Variants in CTPS2 observed in about 807,000 individuals in gnomAD.
The protein encoded by CTPS2 is CTP synthase 2.
In CTPS2, 19 loss-of-function variants were observed where a neutral mutation model predicts 46.8. The ratio of observed to expected loss-of-function variants is 0.41; its 90% CI spans 0.28 to 0.60. The LOEUF is 0.60. Ranked by LOEUF, CTPS2 falls within the 20% of genes least tolerant of loss-of-function variation. CTPS2 has a pLI of 0.35. For missense variants in CTPS2, 286 were observed against 447.6 expected, an observed-to-expected ratio of 0.64 and a Z score of 3.26; for synonymous variants, 151 against 165.2, an observed-to-expected ratio of 0.91 and a Z score of 0.66.
chrX:16,693,995 C>T (rs1313365245), intron 4 of CTPS2, among the ~76,000 whole-genome samples: 1 of 109,240 alleles, frequency 9.2e-6, no homozygotes, highest in Non-Finnish European at 1.9e-5. Context: ...GAAACCCTGT[C>T]TCTACTAAAA....
Position 16,588,089 on chromosome X carries a change from G to A in CTPS2, c.*1728C>T, listed in dbSNP as rs746871638. On this transcript the variant is annotated 3_prime_UTR_variant, in exon 19 of 19. Transcript: ENST00000359276. ...TACAACATGGGTAAACCTTGCAAAC[G>A]CCATGCTAAATGGAAGCCTGACTGA... is the stretch of plus-strand genomic sequence containing the variant. The A allele has an allele frequency of 1.2e-4, 13 of 112,008 alleles. No homozygotes were observed. The highest frequency in any genetic ancestry group is 1.5e-4 in the Non-Finnish European group (8 of 53,254). 9.2% of individuals were successfully genotyped at this position (112,008 alleles called of 1,213,427 possible).
chrX:16,604,092 G>C (rs906444884), intron 17 of CTPS2, among the ~76,000 whole-genome samples: 1 of 111,493 alleles, frequency 9.0e-6, no homozygotes, highest in African/African-American at 3.3e-5. Flanking sequence ...CAAATACAGT[G>C]AATCACTGAG....
chrX:16,645,284 T>C (rs113292099), intron 13 of CTPS2, among the ~76,000 whole-genome samples: 1,715 of 110,959 alleles, frequency 0.015, 30 homozygotes, highest in African/African-American at 0.053. Flanking sequence ...TGAGCCACTG[T>C]ACCCGGCCTG....
chrX:16,629,532 A>AT (rs111513935), intron 14 of CTPS2, among the ~76,000 whole-genome samples: 1,393 of 102,299 alleles, frequency 0.014, 20 homozygotes, highest in African/African-American at 0.045. Context: ...TCAGTCGAGG[A>AT]TTTTTTTTTT....
chrX:16,703,862 A>G (rs1049665846), intron 1 of CTPS2, among the ~76,000 whole-genome samples: 2 of 111,154 alleles, frequency 1.8e-5, no homozygotes, highest in Non-Finnish European at 3.8e-5. Flanking sequence ...ATTCACAGGC[A>G]TGCTAAAATG....
chrX:16,655,456 G>C (rs1932794962), intron 13 of CTPS2, among the ~76,000 whole-genome samples: 1 of 111,940 alleles, frequency 8.9e-6, no homozygotes, highest in Non-Finnish European at 1.9e-5. Flanking sequence ...CAACAGTGTG[G>C]AATATGGAGG....
In CTPS2 at chrX:16,698,991, G is replaced by A. The variant is rs139580060; in HGVS notation, c.269C>T (p.Thr90Met). 9.0e-5 allele frequency: 108 copies of A among 1,196,181 alleles called. No homozygotes were observed. The highest frequency in any genetic ancestry group is 8.4e-4 in the South Asian group (45 of 53,768). The change falls in exon 3 of 19, where the codon ACG becomes ATG. Residue 90 changes from threonine (T) to methionine (M), a missense_variant. By Grantham distance (81) the Thr-to-Met change is moderately conservative (BLOSUM62 -1). Transcript: ENST00000359276. ...INLYKDNNIT[T>M]GKIYQHVINK... is the part of the protein sequence containing the mutation. ...GATCACATGCTGATATATCTTCCCC[G>A]TGGTGATATTGTTGTCTTTATAAAG...
intron 6 of CTPS2, 43 bp from the exon 7 acceptor site, chrX:16,691,663 A>G: frequency 9.5e-7 from 1 of 1,049,154 alleles, no homozygotes; most frequent in Non-Finnish European, 1.3e-6. Context: ...ATTCACTTTC[A>G]GCAGGATGCC....
chrX:16,647,629 C>T (rs2147256723), intron 13 of CTPS2, among the ~76,000 whole-genome samples: 1 of 110,746 alleles, frequency 9.0e-6, no homozygotes, highest in African/African-American at 3.3e-5. Flanking sequence ...GCCTAGAAGA[C>T]TATTAACCAA....
Position 16,667,644 on chromosome X carries a change from A to G in CTPS2, c.1252+18T>C. On this transcript the variant is annotated intron_variant, in intron 12 of 18. Transcript: ENST00000359276. ...AAAATTTTTTAAATAAATGGTCATT[A>G]GCAAACCTCGAACTTACCTTTCAAG... The G allele has an allele frequency of 8.3e-7, 1 of 1,210,482 alleles. No homozygotes were observed. Among genetic ancestry groups the G allele is most frequent in the Non-Finnish European group, 1.1e-6 (1 of 894,235 alleles).
chrX:16,638,165 G>C (rs1384251244), intron 14 of CTPS2, among the ~76,000 whole-genome samples: 1 of 107,618 alleles, frequency 9.3e-6, no homozygotes, highest in African/African-American at 3.4e-5. Flanking sequence ...TGAGGCAGGA[G>C]AATGACGTCA....
At chrX:16,602,714 T>C (rs1201663369) in intron 17 of CTPS2, among the ~76,000 whole-genome samples, 1 of 112,396 alleles carries the variant, frequency 8.9e-6, no homozygotes, top group Non-Finnish European at 1.9e-5. Flanking sequence ...GAATATTCTG[T>C]TTCTTACAAA....
intron 7 of CTPS2, 70 bp downstream of exon 7, chrX:16,691,470 G>T: frequency 1.2e-6 from 1 of 863,457 alleles, no homozygotes. Context: ...TATGATCATT[G>T]AAGAGGTACA....
intron 10 of CTPS2, among the ~76,000 whole-genome samples, chrX:16,677,670 T>C (rs1922391407): frequency 9.0e-6 from 1 of 111,208 alleles, no homozygotes; most frequent in African/African-American, 3.3e-5. Flanking sequence ...AAGATACAGG[T>C]CATAAAGACT....
At chrX:16,680,619 T>G (rs1019080804) in intron 9 of CTPS2, among the ~76,000 whole-genome samples, 6 of 110,445 alleles carry the variant, frequency 5.4e-5, no homozygotes, top group African/African-American at 1.6e-4. Flanking sequence ...AACTTTAAGA[T>G]ACAAATTTCT....
chrX:16,621,632 T>C (rs1330279084), intron 14 of CTPS2, among the ~76,000 whole-genome samples: 1 of 109,705 alleles, frequency 9.1e-6, no homozygotes, highest in Non-Finnish European at 1.9e-5. Flanking sequence ...GTTAAGAAGA[T>C]AACAGTGCTG....
At chrX:16,661,262 T>C (rs1932945297) in intron 13 of CTPS2, among the ~76,000 whole-genome samples, 1 of 112,504 alleles carries the variant, frequency 8.9e-6, no homozygotes, top group Non-Finnish European at 1.9e-5. Flanking sequence ...ACCCGGCCTA[T>C]AGCTGTATTC....
chrX:16,695,519 G>C (rs1383604805), intron 4 of CTPS2, among the ~76,000 whole-genome samples: 1 of 111,582 alleles, frequency 9.0e-6, no homozygotes, highest in African/African-American at 3.2e-5. Flanking sequence ...TTTAATGAAA[G>C]TCTTTTTTCT....
At chrX:16,652,376 T>A (rs950525133) in intron 13 of CTPS2, among the ~76,000 whole-genome samples, 5 of 111,721 alleles carry the variant, frequency 4.5e-5, no homozygotes, top group African/African-American at 1.6e-4. Flanking sequence ...AATATGACAA[T>A]TGGAAAGACT....
Sources: allele counts gnomAD v4.1 joint callset (sites outside exome capture counted in the v4.1 genomes callset), GRCh38; gene constraint gnomAD v4.1.1; transcripts MANE v1.5; gene names NCBI Gene and HGNC (gene_info 2026-07-23, HGNC 2026-07-21).